Variants in STK26 observed in about 807,000 individuals in gnomAD.
STK26 encodes serine/threonine-protein kinase 26.
A neutral mutation model predicts 34.7 loss-of-function variants in STK26; 14 were observed. The observed-to-expected ratio is 0.40, with a 90% CI of 0.27 to 0.63. The LOEUF (loss-of-function observed/expected upper bound fraction) is 0.63. Among genes scored for constraint, STK26 ranks in the 30% least tolerant of loss-of-function variants. The pLI, the probability that STK26 is intolerant of heterozygous loss-of-function variation, is 0.38. For missense variants in STK26, 226 were observed against 309.1 expected, an observed-to-expected ratio of 0.73 and a Z score of 2.02; for synonymous variants, 100 against 109.8, an observed-to-expected ratio of 0.91 and a Z score of 0.56.
At position 132,068,243 on chromosome X, in the gene STK26, A is replaced by G; in HGVS notation, c.359A>G (p.Gln120Arg). The change falls in exon 5 of 12, where the codon CAG becomes CGG. Residue 120 changes from glutamine to arginine, a missense_variant. Coordinates refer to ENST00000394334, the MANE Select transcript of STK26 (RefSeq NM_016542.4). ...CGAGCTGGTCCATTTGATGAGTTCC[A>G]GATTGCTACCATGCTAAAGGAAATT... Reference protein sequence around the residue: ...LLRAGPFDEFQIATMLKEILK... With the variant: ...LLRAGPFDEFRIATMLKEILK... The G allele has an allele frequency of 8.3e-7, 1 of 1,207,161 alleles. No homozygotes were observed. The highest frequency in any genetic ancestry group is 1.1e-6 in the Non-Finnish European group (1 of 893,599).
Position 132,071,215 on chromosome X carries a change from T to C in STK26, c.930T>C (p.Asp310=). Residue 310 remains aspartate, a splice_region_variant and synonymous_variant, in exon 8 of 12, where the codon GAT becomes GAC. Coordinates refer to ENST00000394334, the MANE Select transcript of STK26 (RefSeq NM_016542.4). ...SDDESDSEGS[D]SESTSRENNT... Reference sequence around the variant, plus strand: ...ATGAATCTGATTCCGAGGGCTCTGATTCGTATGTACAAATTATTTAATTTT... The same window carrying C: ...ATGAATCTGATTCCGAGGGCTCTGACTCGTATGTACAAATTATTTAATTTT... 8.3e-7 allele frequency: 1 copy of C among 1,206,241 alleles called. No individual in the cohort carries two copies. The highest frequency in any genetic ancestry group is 1.1e-6 in the Non-Finnish European group (1 of 892,915).
intron 2 of STK26, among the ~76,000 whole-genome samples, chrX:132,048,649 T>C (rs758367081): frequency 2.7e-5 from 3 of 112,189 alleles, no homozygotes; most frequent in Non-Finnish European, 5.6e-5. Context: ...ATTCTTTTAA[T>C]TTCAAGAGTC....
At chrX:132,056,362 T>A (rs867964248) in intron 3 of STK26, among the ~76,000 whole-genome samples, 2 of 112,081 alleles carry the variant, frequency 1.8e-5, no homozygotes, top group African/African-American at 3.2e-5. Context: ...TTGCAGTGGT[T>A]CTGGCTCCAA....
At chrX:132,065,536 T>C (rs941451859) in intron 4 of STK26, among the ~76,000 whole-genome samples, 84 of 112,156 alleles carry the variant, frequency 7.5e-4, no homozygotes, top group African/African-American at 2.4e-3. Flanking sequence ...ATTAGTAGTT[T>C]GGTCAGTTTT....
In STK26 at chrX:132,036,021, C is replaced by T. The variant is rs142605626; in HGVS notation, c.42+12362C>T. 7.2e-3 allele frequency among the ~76,000 whole-genome samples: 805 copies of T among 111,549 alleles called. 4 individuals are homozygous for T. The highest frequency in any genetic ancestry group is 0.018 in the Middle Eastern group (4 of 217). On this transcript the variant is annotated intron_variant, in intron 2 of 11. Coordinates refer to ENST00000394334, the MANE Select transcript of STK26 (RefSeq NM_016542.4). ...TCTGCTCTCTGAAATATTCTCTATACCTGTCAGATTCATATATTATCGTTT... is the reference window on the plus strand; with the variant it reads ...TCTGCTCTCTGAAATATTCTCTATATCTGTCAGATTCATATATTATCGTTT...
In STK26 at chrX:132,072,831, ACCCTGAGT is replaced by A; in HGVS notation, c.1046_1053del (p.Thr349MetfsTer12). ...TTCAAAGGAGCAAGATCTTGTGCAA[ACCCTGAGT>A]TGTTTGTCTATGATAATCACACCTG... On this transcript the variant is annotated frameshift_variant, in exon 10 of 12. Coordinates refer to ENST00000394334, the MANE Select transcript of STK26 (RefSeq NM_016542.4). LOFTEE classifies it high-confidence loss of function. The A allele has an allele frequency of 8.3e-7, 1 of 1,210,903 alleles. No homozygotes were observed. Among genetic ancestry groups the A allele is most frequent in the Non-Finnish European group, 1.1e-6 (1 of 894,642 alleles).
intron 2 of STK26, among the ~76,000 whole-genome samples, chrX:132,027,748 C>T (rs1386080387): frequency 2.7e-5 from 3 of 111,589 alleles, no homozygotes; most frequent in Non-Finnish European, 5.7e-5. Flanking sequence ...AAGGGAGACT[C>T]AATGTACCAA....
chrX:132,036,636 G>A (rs376879310), intron 2 of STK26, among the ~76,000 whole-genome samples: 1 of 111,445 alleles, frequency 9.0e-6, no homozygotes, highest in East Asian at 2.8e-4. Flanking sequence ...ATTATCACTA[G>A]AATCCCTAAG....
At position 132,054,876 on chromosome X, in the gene STK26, G is replaced by A. The variant is rs1477005706; in HGVS notation, c.273+15G>A. The A allele has an allele frequency of 7.9e-6, 9 of 1,134,664 alleles. No homozygotes were observed. The South Asian group carries it at 1.2e-4, about 15-fold the overall frequency. The allele number at this position is 1,134,664 out of a possible 1,213,427, so 93.5% of individuals were successfully genotyped here. Reference sequence around the variant, plus strand: ...CATATTTAAAGGTAATGTGTGTGCTGTATTATTTAAGTCATAAGGTATTTT... The same window carrying A: ...CATATTTAAAGGTAATGTGTGTGCTATATTATTTAAGTCATAAGGTATTTT... On this transcript the variant is annotated intron_variant, in intron 3 of 11. Transcript: ENST00000394334.
At chrX:132,032,346 G>T (rs1322668823) in intron 2 of STK26, among the ~76,000 whole-genome samples, 1 of 112,251 alleles carries the variant, frequency 8.9e-6, no homozygotes, top group East Asian at 2.8e-4. Context: ...TTAGATGAAA[G>T]AGTTGAAGAT....
chrX:132,054,726 C>T lies in STK26; in HGVS notation c.138C>T (p.Thr46=). The change falls in exon 3 of 12, where the codon ACC becomes ACT. Residue 46 remains threonine (T), a synonymous_variant. Coordinates refer to ENST00000394334, the MANE Select transcript of STK26 (RefSeq NM_016542.4). ...GEVFKGIDNR[T]QQVVAIKIID... ...TTTTCAAAGGAATTGATAACCGTAC[C>T]CAGCAAGTCGTTGCTATTAAAATCA... is the stretch of plus-strand genomic sequence containing the variant. 4 of 1,210,763 alleles carry T rather than the reference C, an allele frequency of 3.3e-6. No individual in the cohort carries two copies. Among genetic ancestry groups the T allele is most frequent in the Non-Finnish European group, 4.5e-6 (4 of 895,016 alleles).
chrX:132,074,258 T>C lies in STK26; in HGVS notation c.*99T>C, dbSNP rs1233442926. 79 of 833,365 alleles carry C rather than the reference T, an allele frequency of 9.5e-5. No individual in the cohort carries two copies. The highest frequency in any genetic ancestry group is 8.7e-5 in the South Asian group (3 of 34,415). 68.7% of individuals were successfully genotyped at this position (833,365 alleles called of 1,213,427 possible). ...TTAACCCATGAGCTCCATGTGCCTT[T>C]TGGATCTTTGCAACACTGAAGATTT... On this transcript the variant is annotated 3_prime_UTR_variant, in exon 12 of 12. Coordinates refer to ENST00000394334, the MANE Select transcript of STK26 (RefSeq NM_016542.4).
At chrX:132,039,151 T>C (rs1376824026) in intron 2 of STK26, among the ~76,000 whole-genome samples, 1 of 111,419 alleles carries the variant, frequency 9.0e-6, no homozygotes, top group East Asian at 2.8e-4. Flanking sequence ...AGACGTATCT[T>C]AATTTGATTA....
At chrX:132,059,488 C>T (rs1409979168) in intron 3 of STK26, among the ~76,000 whole-genome samples, 1 of 112,151 alleles carries the variant, frequency 8.9e-6, no homozygotes, top group African/African-American at 3.2e-5. Context: ...ACCAGACAAA[C>T]ACATCAGTAT....
chrX:132,049,785 A>G (rs1359570552), intron 2 of STK26, among the ~76,000 whole-genome samples: 1 of 112,285 alleles, frequency 8.9e-6, no homozygotes. Flanking sequence ...ATAGGCCTAT[A>G]TACAGGCCAG....
intron 2 of STK26, among the ~76,000 whole-genome samples, chrX:132,039,028 A>G (rs1198036276): frequency 9.0e-6 from 1 of 111,146 alleles, no homozygotes; most frequent in African/African-American, 3.3e-5. Context: ...ACAAACAAAC[A>G]AACAAAAAAA....
chrX:132,070,216 G>C (rs1410423917), intron 7 of STK26, among the ~76,000 whole-genome samples: 1 of 110,058 alleles, frequency 9.1e-6, no homozygotes, highest in Admixed American at 9.7e-5. Flanking sequence ...ATTTTTAGTA[G>C]AGATGGGGTT....
chrX:132,038,401 A>G (rs1302845077), intron 2 of STK26, among the ~76,000 whole-genome samples: 1 of 111,688 alleles, frequency 9.0e-6, no homozygotes, highest in African/African-American at 3.3e-5. Flanking sequence ...GAAAATGTCT[A>G]AAGAGTCTTT....
At chrX:132,024,642 A>T (rs764426374) in intron 2 of STK26, among the ~76,000 whole-genome samples, 11 of 111,553 alleles carry the variant, frequency 9.9e-5, no homozygotes, top group Non-Finnish European at 2.1e-4. Flanking sequence ...ATGTGAAAAC[A>T]AACTTTTTTG....
Sources: allele counts gnomAD v4.1 joint callset (sites outside exome capture counted in the v4.1 genomes callset), GRCh38; gene constraint gnomAD v4.1.1; transcripts MANE v1.5; gene names NCBI Gene and HGNC (gene_info 2026-07-23, HGNC 2026-07-21).